LTBP1: variants seen among roughly 807,000 people sequenced by gnomAD.
LTBP1 encodes latent-transforming growth factor beta-binding protein 1.
LTBP1 carries 129 observed loss-of-function variants against 207.6 expected under a neutral mutation model. The ratio of observed to expected loss-of-function variants is 0.62; its 90% confidence interval spans 0.54 to 0.72. The LOEUF (loss-of-function observed/expected upper bound fraction) is 0.72. Among genes scored for constraint, LTBP1 ranks in the 30% least tolerant of loss-of-function variants. LTBP1 has a pLI of 0.00. For synonymous variants in LTBP1, 963 were observed against 833.7 expected, an observed-to-expected ratio of 1.16 and a Z score of -2.67; for missense variants, 2,281 against 2,217.2, an observed-to-expected ratio of 1.03 and a Z score of -0.58.
At chr2:33,092,313 TTCTG>T (rs1444880848) in intron 3 of LTBP1, among the ~76,000 whole-genome samples, 2 of 152,256 alleles carry the variant, frequency 1.3e-5, no homozygotes, top group African/African-American at 2.4e-5. Flanking sequence ...CTTTATTGAG[TTCTG>T]TCTGTCTTTG....
chr2:33,050,829 G>C lies in LTBP1; in HGVS notation c.863+29623G>C, dbSNP rs573012986. Among the ~76,000 whole-genome samples the C allele has an allele frequency of 5.9e-5, 9 of 152,058 alleles. No homozygotes were observed. The East Asian group carries it at 1.7e-3, about 29-fold the overall frequency. ...GCTGACTGCAACCTCCGCCTCCCGGGTTCAAGCGATTCTCCTGCCTCAGCC... is the reference window on the plus strand; with the variant it reads ...GCTGACTGCAACCTCCGCCTCCCGGCTTCAAGCGATTCTCCTGCCTCAGCC... On this transcript the variant is annotated intron_variant, in intron 3 of 33. Transcript: ENST00000404816.
At chr2:33,089,856 G>A (rs191464821) in intron 3 of LTBP1, among the ~76,000 whole-genome samples, 4 of 152,282 alleles carry the variant, frequency 2.6e-5, no homozygotes, top group Admixed American at 2.0e-4. Flanking sequence ...AAACAGTGCA[G>A]TAAACGTATA....
intron 32 of LTBP1, among the ~76,000 whole-genome samples, chr2:33,389,525 G>A (rs1264032808): frequency 3.3e-5 from 5 of 151,444 alleles, no homozygotes; most frequent in African/African-American, 9.7e-5. Context: ...TTCGTGAGCC[G>A]AGATCACACC....
chr2:33,316,156 A>G (rs1184807112), intron 24 of LTBP1, among the ~76,000 whole-genome samples: 1 of 152,254 alleles, frequency 6.6e-6, no homozygotes, highest in African/African-American at 2.4e-5. Flanking sequence ...AGCACTGGTT[A>G]TTTTCATAAG....
In LTBP1 at chr2:33,363,493, T is replaced by C. The variant is rs1432519938; in HGVS notation, c.4374T>C (p.Tyr1458=). ...YECYCKQGTY[Y]DPVKLQCFDM... ...GCTACTGTAAGCAAGGGACGTACTATGATCCTGTGAAACTGCAGTGCTTTG... is the reference window on the plus strand; with the variant it reads ...GCTACTGTAAGCAAGGGACGTACTACGATCCTGTGAAACTGCAGTGCTTTG... Residue 1458 remains tyrosine, a synonymous_variant, in exon 29 of 34, where the codon TAT becomes TAC. Transcript: ENST00000404816. 3 of 1,613,952 alleles carry C rather than the reference T, an allele frequency of 1.9e-6. No individual in the cohort carries two copies. The highest frequency in any genetic ancestry group is 1.7e-4 in the Middle Eastern group (1 of 6,058).
intron 5 of LTBP1, among the ~76,000 whole-genome samples, chr2:33,141,340 A>T (rs2082630822): frequency 6.6e-6 from 1 of 152,202 alleles, no homozygotes; most frequent in Non-Finnish European, 1.5e-5. Flanking sequence ...GCAAAATGAA[A>T]AAGTTCTGGA....
Position 33,274,972 on chromosome 2 carries a change from T to C in LTBP1, c.2751T>C (p.Asp917=), listed in dbSNP as rs75654346. 3.6e-3 allele frequency: 5,745 copies of C among 1,613,954 alleles called. 200 individuals carry two copies. In the African/African-American group the frequency reaches 0.068, roughly 19 times the overall value. ...ATGTATTTTTGTTAACAGATATTGA[T>C]GAGTGTACTCAGGTCCAACACCTCT... ...SEQQRKCVDI[D]ECTQVQHLCS... is the part of the protein sequence containing the mutation. The change falls in exon 17 of 34, where the codon GAT becomes GAC. Residue 917 remains aspartate, a synonymous_variant. Coordinates refer to ENST00000404816, the MANE Select transcript of LTBP1 (RefSeq NM_206943.4).
chr2:33,052,799 T>G (rs2076809773), intron 3 of LTBP1, among the ~76,000 whole-genome samples: 1 of 152,246 alleles, frequency 6.6e-6, no homozygotes, highest in Admixed American at 6.5e-5. Context: ...TATTATTTTC[T>G]TGCTCAAATT....
intron 3 of LTBP1, among the ~76,000 whole-genome samples, chr2:33,068,346 C>T (rs2077620799): frequency 6.6e-6 from 1 of 151,892 alleles, no homozygotes; most frequent in Non-Finnish European, 1.5e-5. Flanking sequence ...AGTCCATATA[C>T]TCCCTGCCCC....
chr2:33,179,220 T>C (rs995553688), intron 5 of LTBP1, among the ~76,000 whole-genome samples: 22 of 152,184 alleles, frequency 1.4e-4, no homozygotes, highest in African/African-American at 5.1e-4. Context: ...GCTCATCAGC[T>C]ATCATAAGTG....
chr2:33,211,425 G>C (rs978992612), intron 7 of LTBP1, among the ~76,000 whole-genome samples: 13 of 152,186 alleles, frequency 8.5e-5, no homozygotes, highest in African/African-American at 3.1e-4. Context: ...CCCACACAGG[G>C]GTTGATGGAG....
At chr2:33,285,956 A>G (rs2093658223) in intron 19 of LTBP1, 1 of 152,082 alleles carries the variant, frequency 6.6e-6, no homozygotes, top group Non-Finnish European at 1.5e-5. Flanking sequence ...ACTTCTCTGT[A>G]GGGTCATTAG....
chr2:33,354,889 C>T (rs559560959), intron 26 of LTBP1, among the ~76,000 whole-genome samples: 60 of 152,236 alleles, frequency 3.9e-4, no homozygotes, highest in African/African-American at 1.1e-3. Flanking sequence ...TACAGGCCCA[C>T]GCCACCATGC....
intron 3 of LTBP1, among the ~76,000 whole-genome samples, chr2:33,079,907 T>A (rs1324957935): frequency 6.6e-6 from 1 of 151,142 alleles, no homozygotes; most frequent in East Asian, 2.0e-4. Context: ...TTTGACTTGC[T>A]ATTCTTTCTT....
At chr2:32,993,336 A>G (rs1489587368) in intron 2 of LTBP1, among the ~76,000 whole-genome samples, 3 of 152,190 alleles carry the variant, frequency 2.0e-5, no homozygotes, top group African/African-American at 7.2e-5. Context: ...ACAGCCTGAC[A>G]GATGATTCCC....
At chr2:33,007,878 A>G (rs1001059931) in intron 2 of LTBP1, among the ~76,000 whole-genome samples, 1 of 152,214 alleles carries the variant, frequency 6.6e-6, no homozygotes. Flanking sequence ...CCATTTACAG[A>G]TAGAAAAATT....
intron 16 of LTBP1, among the ~76,000 whole-genome samples, chr2:33,274,377 A>G (rs1412474717): frequency 1.3e-5 from 2 of 151,580 alleles, no homozygotes; most frequent in East Asian, 1.9e-4. Flanking sequence ...GCACTAAATT[A>G]TGAGGCCAAT....
intron 32 of LTBP1, among the ~76,000 whole-genome samples, chr2:33,392,245 T>G (rs1362103054): frequency 1.3e-5 from 2 of 151,556 alleles, no homozygotes; most frequent in Admixed American, 1.3e-4. Flanking sequence ...AGTGCAACGG[T>G]GCAATCTTGG....
chr2:33,183,008 T>C (rs1272437641), intron 5 of LTBP1, among the ~76,000 whole-genome samples: 1 of 152,102 alleles, frequency 6.6e-6, no homozygotes, highest in Non-Finnish European at 1.5e-5. Flanking sequence ...TTTCTTTGAG[T>C]AAAACTTGGG....
Sources: allele counts gnomAD v4.1 joint callset (sites outside exome capture counted in the v4.1 genomes callset), GRCh38; gene constraint gnomAD v4.1.1; transcripts MANE v1.5; gene names NCBI Gene and HGNC (gene_info 2026-07-23, HGNC 2026-07-21).